The following PPIG variants were observed in gnomAD, a reference collection of about 807,000 sequenced individuals.
PPIG encodes peptidyl-prolyl cis-trans isomerase G.
A neutral mutation model predicts 87.9 loss-of-function variants in PPIG; 26 were observed. The ratio of observed to expected loss-of-function variants is 0.30; its 90% CI spans 0.22 to 0.41. PPIG has a LOEUF of 0.41. Ranked by LOEUF, PPIG falls within the 10% of genes least tolerant of loss-of-function variation. PPIG has a pLI of 1.00. For synonymous variants in PPIG, 308 were observed against 276.5 expected (o/e 1.11, Z -1.13); for missense variants, 722 against 879.4 (o/e 0.82, Z 2.26).
intron 1 of PPIG, among the ~76,000 whole-genome samples, chr2:169,594,625 CTTTTTTT>C (rs61375406): frequency 8.7e-6 from 1 of 114,630 alleles, no homozygotes; most frequent in Non-Finnish European, 1.8e-5. Context: ...TCTTTCTTTT[CTTTTTTT>C]TTTTTTTTTT....
chr2:169,591,093 A>C (rs1243934391), intron 1 of PPIG, among the ~76,000 whole-genome samples: 1 of 152,234 alleles, frequency 6.6e-6, no homozygotes, highest in Non-Finnish European at 1.5e-5. Flanking sequence ...GAAACTTCCA[A>C]ATAACTTTAA....
chr2:169,621,182 C>T (rs1685737481), intron 9 of PPIG, among the ~76,000 whole-genome samples: 1 of 151,736 alleles, frequency 6.6e-6, no homozygotes, highest in Non-Finnish European at 1.5e-5. Flanking sequence ...CTCATCTCAC[C>T]TTCTAGGTAC....
chr2:169,590,387 C>A (rs183563061), intron 1 of PPIG, among the ~76,000 whole-genome samples: 18 of 151,826 alleles, frequency 1.2e-4, no homozygotes, highest in Non-Finnish European at 1.8e-4. Context: ...AAGCCTGTAA[C>A]GCCAGCACTT....
Position 169,637,387 on chromosome 2 carries a change from A to G in PPIG, c.2129A>G (p.Glu710Gly), listed in dbSNP as rs779298497. The change falls in exon 14 of 14, where the codon GAG becomes GGG. Residue 710 changes from glutamate to glycine, a missense_variant. Glu to Gly is a moderately conservative substitution (Grantham distance 98). Transcript: ENST00000260970. ...ELKSSMLKNKEDEKIRSSVEK... is the reference protein window; with the variant it reads ...ELKSSMLKNKGDEKIRSSVEK... ...AAGTCCTCCATGTTGAAAAATAAGG[A>G]GGATGAGAAGATCAGATCCTCAGTG... 6.2e-7 allele frequency: 1 copy of G among 1,612,908 alleles called. No individual in the cohort carries two copies. The highest frequency in any genetic ancestry group is 1.1e-5 in the South Asian group (1 of 90,766).
chr2:169,633,763 C>T (rs531744674), intron 12 of PPIG, among the ~76,000 whole-genome samples: 1 of 152,154 alleles, frequency 6.6e-6, no homozygotes, highest in Admixed American at 6.5e-5. Flanking sequence ...CTCCATGTCA[C>T]AAATTCCAGT....
chr2:169,597,333 T>G (rs1237692272), intron 1 of PPIG, among the ~76,000 whole-genome samples: 1 of 152,004 alleles, frequency 6.6e-6, no homozygotes, highest in Non-Finnish European at 1.5e-5. Flanking sequence ...TTGGAGATGG[T>G]CTGAGGCTGG....
At chr2:169,603,151 C>T (rs1376168987) in intron 1 of PPIG, among the ~76,000 whole-genome samples, 1 of 152,082 alleles carries the variant, frequency 6.6e-6, no homozygotes, top group Non-Finnish European at 1.5e-5. Flanking sequence ...TGAAATATAA[C>T]ATAGCGTACA....
chr2:169,633,489 C>G, intron 12 of PPIG: 1 of 537,046 alleles, frequency 1.9e-6, no homozygotes, highest in East Asian at 3.3e-5. Flanking sequence ...CGAGGTCTTT[C>G]TTGTCTCCCG....
chr2:169,609,280 C>G (rs1327728062), intron 7 of PPIG, among the ~76,000 whole-genome samples: 2 of 151,952 alleles, frequency 1.3e-5, no homozygotes, highest in African/African-American at 4.8e-5. Flanking sequence ...GCAATCATGG[C>G]TCACCACAGC....
At chr2:169,620,549 G>A (rs941586449) in intron 9 of PPIG, among the ~76,000 whole-genome samples, 10 of 152,108 alleles carry the variant, frequency 6.6e-5, no homozygotes, top group African/African-American at 2.4e-4. Context: ...AAATACTCTG[G>A]AGGAAGAGAC....
In PPIG at chr2:169,636,816, T is replaced by G; in HGVS notation, c.1558T>G (p.Ser520Ala). The change falls in exon 14 of 14, where the codon TCT (serine) becomes GCT (alanine). Residue 520 changes from serine to alanine, a missense_variant. By Grantham distance (99) the Ser-to-Ala change is moderately conservative. Around this residue, in one of 4 missense-constraint regions of PPIG, gnomAD observed 476 missense variants for 483.1 expected, o/e 0.99. Transcript: ENST00000260970. Reference sequence around the variant, plus strand: ...GGAAAGGAGTAGAAGTAAAGAGAAGTCTAAACAGTTAGAATCAAAGAGTAA... The same window carrying G: ...GGAAAGGAGTAGAAGTAAAGAGAAGGCTAAACAGTTAGAATCAAAGAGTAA... Reference protein sequence around the residue: ...DQERSRSKEKSKQLESKSNEH... With the variant: ...DQERSRSKEKAKQLESKSNEH... The G allele has an allele frequency of 6.2e-7, 1 of 1,613,304 alleles. No individual in the cohort carries two copies. The highest frequency in any genetic ancestry group is 8.5e-7 in the Non-Finnish European group (1 of 1,179,858).
In PPIG at chr2:169,584,501, T is replaced by C; in HGVS notation, c.-70+11T>C. The C allele has an allele frequency of 2.1e-6, 1 of 470,646 alleles. No individual in the cohort carries two copies. The highest frequency in any genetic ancestry group is 4.4e-6 in the Non-Finnish European group (1 of 226,864). 29.2% of individuals were successfully genotyped at this position (470,646 alleles called of 1,614,324 possible). Reference sequence around the variant, plus strand: ...ACTCTACCGGTGCAGGTAAGTGGTATGAGGCTCAAGTTGTTCTGGCGGCGT... The same window carrying C: ...ACTCTACCGGTGCAGGTAAGTGGTACGAGGCTCAAGTTGTTCTGGCGGCGT... On this transcript the variant is annotated intron_variant, in intron 1 of 13. Coordinates refer to ENST00000260970, the MANE Select transcript of PPIG (RefSeq NM_004792.3).
intron 1 of PPIG, among the ~76,000 whole-genome samples, chr2:169,597,731 T>A (rs1685058854): frequency 6.6e-6 from 1 of 152,142 alleles, no homozygotes; most frequent in Admixed American, 6.5e-5. Flanking sequence ...ACTCCTGATC[T>A]CAGGTGATCC....
At chr2:169,608,601 A>G (rs1365190540) in intron 6 of PPIG, 70 bp from the exon 7 acceptor site, 1 of 898,304 alleles carries the variant, frequency 1.1e-6, no homozygotes, top group African/African-American at 1.7e-5. Context: ...TCAGATATGA[A>G]TAGAAGTGAA....
chr2:169,630,446 A>G (rs183459181), intron 9 of PPIG, among the ~76,000 whole-genome samples: 152 of 152,346 alleles, frequency 1.0e-3, no homozygotes, highest in African/African-American at 3.6e-3. Context: ...GTGGAAAACT[A>G]CAAGATTAGA....
At chr2:169,591,044 T>G (rs1684850236) in intron 1 of PPIG, among the ~76,000 whole-genome samples, 1 of 152,178 alleles carries the variant, frequency 6.6e-6, no homozygotes, top group Non-Finnish European at 1.5e-5. Flanking sequence ...TTTTTCTAGA[T>G]TAGAAACTCG....
Position 169,608,918 on chromosome 2 carries a change from TA to T in PPIG, c.377+166del, listed in dbSNP as rs1376374331. Among the ~76,000 whole-genome samples, 6 of 151,448 alleles carry T rather than the reference TA, an allele frequency of 4.0e-5. No homozygotes were observed. The East Asian group carries it at 1.2e-3, about 30-fold the overall frequency. On this transcript the variant is annotated intron_variant, in intron 7 of 13. Transcript: ENST00000260970. ...TAACACGGTGAAACCCCGTCTCTAC[TA>T]AAAAATACAAAAAAATTAGCTGGGC...
chr2:169,609,216 T>C (rs931926429), intron 7 of PPIG, among the ~76,000 whole-genome samples: 1 of 152,090 alleles, frequency 6.6e-6, no homozygotes, highest in South Asian at 2.1e-4. Context: ...TTGATTTTTT[T>C]GTTGTTGTTT....
At chr2:169,590,104 ACT>A (rs1399321135) in intron 1 of PPIG, among the ~76,000 whole-genome samples, 1 of 148,810 alleles carries the variant, frequency 6.7e-6, no homozygotes, top group Non-Finnish European at 1.5e-5. Flanking sequence ...AAAGAGCGAA[ACT>A]CTGTCTCAAC....
Sources: gnomAD v4.1 joint callset for allele counts (sites outside exome capture counted in the v4.1 genomes callset) on GRCh38, gnomAD v4.1.1 for gene constraint, gnomAD v4.1.1 regional missense constraint, MANE v1.5 for transcripts, NCBI Gene and HGNC (gene_info 2026-07-23, HGNC 2026-07-21) for gene names.